The following TBC1D32 variants were observed in gnomAD, a reference collection of about 807,000 sequenced individuals.
TBC1D32 encodes the protein protein broad-minded.
In TBC1D32, 151 loss-of-function variants were observed where a neutral mutation model predicts 170.3. The observed-to-expected ratio is 0.89, with a 90% CI of 0.78 to 1.01. The LOEUF is 1.01. TBC1D32 is among the 50% of genes least tolerant of loss of function. The pLI, the probability that TBC1D32 is intolerant of heterozygous loss-of-function variation, is 0.00. For missense variants in TBC1D32, 1,464 were observed against 1,457.1 expected (o/e 1.00, Z -0.08); for synonymous variants, 498 against 488.0 (o/e 1.02, Z -0.27).
chr6:121,272,801 C>G (rs1228455843), intron 15 of TBC1D32, among the ~76,000 whole-genome samples: 4 of 152,342 alleles, frequency 2.6e-5, no homozygotes, highest in African/African-American at 9.6e-5. Context: ...TGTAAAGACA[C>G]ATGCACACGT....
At chr6:121,303,954 T>A (rs1044488118) in intron 8 of TBC1D32, among the ~76,000 whole-genome samples, 193 bp from the exon 9 acceptor site, 4 of 152,114 alleles carry the variant, frequency 2.6e-5, no homozygotes, top group Admixed American at 1.3e-4. Flanking sequence ...GATCTGTGAA[T>A]TTAACTTTCC....
rs34244749 is a variant in TBC1D32, at chr6:121,175,023, CA to C, written c.2571-13968del. 3.7e-3 allele frequency among the ~76,000 whole-genome samples: 487 copies of C among 130,876 alleles called. 1 individual carries two copies. The highest frequency in any genetic ancestry group is 5.6e-3 in the African/African-American group (189 of 33,712). 85.9% of individuals were successfully genotyped at this position (130,876 alleles called of 152,430 possible). ...CTCTAGCCTGCGTGACAGACCTTGT[CA>C]AAAAAAAAAAAAAACTGATAAGATT... is the stretch of plus-strand genomic sequence containing the variant. On this transcript the variant is annotated intron_variant, in intron 22 of 31. Coordinates refer to ENST00000398212, the MANE Select transcript of TBC1D32 (RefSeq NM_152730.6).
intron 26 of TBC1D32, among the ~76,000 whole-genome samples, chr6:121,119,645 C>T (rs770758983): frequency 1.8e-4 from 28 of 151,988 alleles, no homozygotes; most frequent in Non-Finnish European, 4.0e-4. Context: ...ATTGAACCAA[C>T]AAAAAGGAAA....
At chr6:121,325,778 T>A (rs564765108) in intron 1 of TBC1D32, among the ~76,000 whole-genome samples, 2 of 152,234 alleles carry the variant, frequency 1.3e-5, no homozygotes, top group Admixed American at 6.5e-5. Flanking sequence ...ACAAATGCGA[T>A]CTAATTAAAC....
At chr6:121,222,879 G>A (rs749262549) in intron 21 of TBC1D32, among the ~76,000 whole-genome samples, 17 of 152,130 alleles carry the variant, frequency 1.1e-4, no homozygotes, top group Non-Finnish European at 1.9e-4. Flanking sequence ...GGACTCCGTG[G>A]ATACAATTTA....
intron 24 of TBC1D32, among the ~76,000 whole-genome samples, chr6:121,135,474 T>C (rs1278570193): frequency 6.6e-6 from 1 of 152,174 alleles, no homozygotes; most frequent in Non-Finnish European, 1.5e-5. Context: ...CTGTAATGTC[T>C]GAGAAAAGGG....
In TBC1D32 at chr6:121,334,305, A is replaced by G. The variant is rs757582100; in HGVS notation, c.126T>C (p.His42=). 11 of 1,613,976 alleles carry G rather than the reference A, an allele frequency of 6.8e-6. No individual in the cohort carries two copies. Among genetic ancestry groups the G allele is most frequent in the Non-Finnish European group, 8.5e-6 (10 of 1,180,020 alleles). The part of the protein sequence containing the change: ...SLECAEEILL[H]LEETDENFHN... ...GAAAATTTTCATCAGTTTCCTCCAG[A>G]TGTAAAAGAATCTCTTCGGCACACT... Residue 42 remains histidine (H), a synonymous_variant, in exon 1 of 32, where the codon CAT becomes CAC. Transcript: ENST00000398212.
chr6:121,241,970 T>C (rs1293568184), intron 18 of TBC1D32, among the ~76,000 whole-genome samples: 2 of 152,180 alleles, frequency 1.3e-5, no homozygotes, highest in Admixed American at 6.5e-5. Flanking sequence ...GATAATTAAC[T>C]GCATTCTTCA....
At chr6:121,273,555 G>A (rs113595754) in intron 15 of TBC1D32, among the ~76,000 whole-genome samples, 2,725 of 151,502 alleles carry the variant, frequency 0.018, 85 homozygotes, top group African/African-American at 0.064. Context: ...GTTAATGGGT[G>A]CAGCACACCA....
intron 22 of TBC1D32, among the ~76,000 whole-genome samples, chr6:121,199,744 G>A (rs1010836762): frequency 1.3e-5 from 2 of 151,124 alleles, no homozygotes; most frequent in Non-Finnish European, 1.5e-5. Context: ...AGGTAATTGT[G>A]AGATTATTTC....
chr6:121,131,553 T>C, intron 25 of TBC1D32, 74 bp downstream of exon 25: 1 of 1,478,482 alleles, frequency 6.8e-7, no homozygotes, highest in African/African-American at 1.4e-5. Context: ...CCAATACTAA[T>C]CTTTAAGAAC....
intron 24 of TBC1D32, among the ~76,000 whole-genome samples, chr6:121,153,717 G>C (rs1386187244): frequency 6.6e-6 from 1 of 152,174 alleles, no homozygotes; most frequent in Non-Finnish European, 1.5e-5. Flanking sequence ...TAGAGAGGCA[G>C]TGTGGCTACA....
chr6:121,216,073 G>C (rs1457583609), intron 21 of TBC1D32, among the ~76,000 whole-genome samples: 1 of 152,260 alleles, frequency 6.6e-6, no homozygotes, highest in African/African-American at 2.4e-5. Flanking sequence ...GGGTGTGTCT[G>C]TGAGGATGCT....
At chr6:121,216,107 T>G (rs1793788824) in intron 21 of TBC1D32, among the ~76,000 whole-genome samples, 1 of 152,188 alleles carries the variant, frequency 6.6e-6, no homozygotes, top group Admixed American at 6.5e-5. Flanking sequence ...AACATTTGAG[T>G]CAGTGGGCTG....
chr6:121,123,469 C>T (rs1298259235), intron 26 of TBC1D32, among the ~76,000 whole-genome samples: 1 of 151,976 alleles, frequency 6.6e-6, no homozygotes, highest in Non-Finnish European at 1.5e-5. Flanking sequence ...TGAAGTGATC[C>T]CTTTACCATT....
chr6:121,280,067 C>A (rs1018032896), intron 14 of TBC1D32, among the ~76,000 whole-genome samples: 2 of 151,772 alleles, frequency 1.3e-5, no homozygotes, highest in African/African-American at 4.8e-5. Flanking sequence ...CTAAAGAAGT[C>A]CTAATTATTA....
chr6:121,083,241 A>G (rs959585628), intron 31 of TBC1D32, among the ~76,000 whole-genome samples: 1 of 135,028 alleles, frequency 7.4e-6, no homozygotes, highest in East Asian at 2.0e-4. Flanking sequence ...CATTAATTAC[A>G]TAAGGTAATA....
intron 15 of TBC1D32, among the ~76,000 whole-genome samples, chr6:121,260,979 A>G (rs1370262366): frequency 1.3e-5 from 2 of 152,120 alleles, no homozygotes; most frequent in African/African-American, 2.4e-5. Flanking sequence ...CTTGGTCCCA[A>G]GAGGTATTCC....
chr6:121,170,359 C>T lies in TBC1D32; in HGVS notation c.2571-9303G>A. The T allele has an allele frequency of 3.3e-6, 5 of 1,513,996 alleles. No homozygotes were observed. In the South Asian group the frequency reaches 6.6e-5, roughly 20 times the overall value. 93.8% of individuals were successfully genotyped at this position (1,513,996 alleles called of 1,614,324 possible). Reference sequence around the variant, plus strand: ...AAAAATTACTGTCTTAACAAAACATCTCTAAAGAAAACTGCTGTTACTCTG... The same window carrying T: ...AAAAATTACTGTCTTAACAAAACATTTCTAAAGAAAACTGCTGTTACTCTG... On this transcript the variant is annotated intron_variant, in intron 22 of 31. Coordinates refer to ENST00000398212, the MANE Select transcript of TBC1D32 (RefSeq NM_152730.6).
Sources: allele counts gnomAD v4.1 joint callset (sites outside exome capture counted in the v4.1 genomes callset), GRCh38; gene constraint gnomAD v4.1.1; transcripts MANE v1.5; gene names NCBI Gene and HGNC (gene_info 2026-07-23, HGNC 2026-07-21).